The following GRIP1 variants were observed in gnomAD, a reference collection of about 807,000 sequenced individuals.
GRIP1 encodes the protein glutamate receptor-interacting protein 1.
Under a neutral mutation model 129.9 loss-of-function variants are expected in GRIP1, and 45 were observed. The ratio of observed to expected loss-of-function variants is 0.35; its 90% confidence interval spans 0.27 to 0.44. GRIP1 has a LOEUF of 0.44. Among genes scored for constraint, GRIP1 ranks in the 20% least tolerant of loss-of-function variants. The pLI, the probability that GRIP1 is intolerant of heterozygous loss-of-function variation, is 1.00. For synonymous variants in GRIP1, 530 were observed against 520.8 expected, an observed-to-expected ratio of 1.02 and a Z score of -0.24; for missense variants, 1,196 against 1,396.8, an observed-to-expected ratio of 0.86 and a Z score of 2.29.
At chr12:66,707,253 C>T (rs2035561689) in intron 1 of GRIP1, among the ~76,000 whole-genome samples, 1 of 151,798 alleles carries the variant, frequency 6.6e-6, no homozygotes, top group African/African-American at 2.4e-5. Flanking sequence ...GTCTTCTAAG[C>T]TGTAGCTGTT....
At chr12:66,755,422 G>A (rs921161567) in intron 1 of GRIP1, among the ~76,000 whole-genome samples, 4 of 152,052 alleles carry the variant, frequency 2.6e-5, no homozygotes, top group African/African-American at 9.7e-5. Context: ...CTAATATGAG[G>A]CACCCTAATA....
chr12:66,691,321 C>T (rs1257196345), intron 1 of GRIP1, among the ~76,000 whole-genome samples: 1 of 152,138 alleles, frequency 6.6e-6, no homozygotes, highest in Non-Finnish European at 1.5e-5. Flanking sequence ...TGTTCAAGTG[C>T]TGTGATTTGT....
At chr12:66,817,053 C>T (rs1373001671) in intron 1 of GRIP1, among the ~76,000 whole-genome samples, 2 of 151,984 alleles carry the variant, frequency 1.3e-5, no homozygotes, top group African/African-American at 4.8e-5. Context: ...ATCCAAGAGC[C>T]TGAGAAATAC....
rs1164966817 is a variant in GRIP1 at position 66,931,998 on chromosome 12, A to G, written c.58+137052T>C. On this transcript the variant is annotated intron_variant, in intron 1 of 1. Transcript: ENST00000643019. ...TTGAAAATTAAGATTATGGTAGAAT[A>G]AAAGTAAAATTCTTTTGAATAGTCG... Among the ~76,000 whole-genome samples, 3 of 152,362 alleles carry G rather than the reference A, an allele frequency of 2.0e-5. No homozygotes were observed. In the South Asian group the frequency reaches 6.2e-4, roughly 32 times the overall value.
At chr12:66,667,392 C>T (rs943321072) in intron 1 of GRIP1, among the ~76,000 whole-genome samples, 1 of 152,162 alleles carries the variant, frequency 6.6e-6, no homozygotes, top group Non-Finnish European at 1.5e-5. Flanking sequence ...TGAGGCTACT[C>T]ATTAGAATTT....
chr12:66,476,299 T>C (rs990854986), intron 7 of GRIP1, among the ~76,000 whole-genome samples: 1 of 152,088 alleles, frequency 6.6e-6, no homozygotes, highest in Non-Finnish European at 1.5e-5. Context: ...ACATACACCC[T>C]CCCAAGACTA....
intron 1 of GRIP1, among the ~76,000 whole-genome samples, chr12:66,827,199 C>T (rs1286275625): frequency 6.6e-6 from 1 of 152,096 alleles, no homozygotes; most frequent in Non-Finnish European, 1.5e-5. Flanking sequence ...TCTCTCAAGG[C>T]TGCCATCGAG....
At chr12:66,827,223 T>C (rs1288898150) in intron 1 of GRIP1, among the ~76,000 whole-genome samples, 5 of 152,138 alleles carry the variant, frequency 3.3e-5, no homozygotes, top group Admixed American at 3.3e-4. Context: ...CCACCTGGGC[T>C]GAGTTCTCAT....
At chr12:66,867,444 C>G (rs1193154585) in intron 1 of GRIP1, among the ~76,000 whole-genome samples, 1 of 152,056 alleles carries the variant, frequency 6.6e-6, no homozygotes, top group African/African-American at 2.4e-5. Flanking sequence ...ATTTAAGCTT[C>G]TAGGAGTTGT....
chr12:66,819,568 T>C (rs191249899), intron 1 of GRIP1, among the ~76,000 whole-genome samples: 179 of 152,306 alleles, frequency 1.2e-3, no homozygotes, highest in African/African-American at 4.2e-3. Context: ...ATAATATGCA[T>C]TGCTACATTA....
At chr12:66,529,753 A>G in intron 5 of GRIP1, 78 bp downstream of exon 5, 1 of 852,236 alleles carries the variant, frequency 1.2e-6, no homozygotes, top group South Asian at 1.3e-5. Context: ...CATGTAACCA[A>G]ATACCCAAAT....
chr12:66,425,656 G>A (rs915100123), intron 14 of GRIP1, among the ~76,000 whole-genome samples: 1 of 152,186 alleles, frequency 6.6e-6, no homozygotes, highest in African/African-American at 2.4e-5. Context: ...AAAATAATGA[G>A]TTCATGTCCT....
chr12:67,036,184 G>A (rs569485695), intron 1 of GRIP1, among the ~76,000 whole-genome samples: 3 of 152,150 alleles, frequency 2.0e-5, no homozygotes, highest in East Asian at 3.9e-4. Context: ...TGAACTCATC[G>A]ACAAAAAAAC....
At chr12:66,495,898 G>C (rs1305187251) in intron 7 of GRIP1, among the ~76,000 whole-genome samples, 2 of 152,236 alleles carry the variant, frequency 1.3e-5, no homozygotes, top group African/African-American at 4.8e-5. Flanking sequence ...ATGTGGTGCA[G>C]TGAAAGCAAA....
At chr12:66,455,672 G>T in intron 10 of GRIP1, 108 bp from the exon 11 acceptor site, 1 of 1,005,504 alleles carries the variant, frequency 9.9e-7, no homozygotes, top group Non-Finnish European at 1.6e-6. Flanking sequence ...GCATAGCAAT[G>T]GCTAGGAAGG....
intron 1 of GRIP1, among the ~76,000 whole-genome samples, chr12:66,845,560 C>T (rs1012035974): frequency 2.6e-5 from 4 of 152,168 alleles, no homozygotes; most frequent in Admixed American, 6.5e-5. Context: ...TTTTAAAGTT[C>T]TGTCTTCCCA....
intron 1 of GRIP1, among the ~76,000 whole-genome samples, chr12:66,638,343 A>G (rs1411696265): frequency 6.6e-6 from 1 of 152,172 alleles, no homozygotes; most frequent in African/African-American, 2.4e-5. Flanking sequence ...TGCAATATAT[A>G]CCCTTGATAG....
In GRIP1 at chr12:66,736,346, ATTTTTTTTTTTTTTTTTTTTT is replaced by A. The variant is rs547706592; in HGVS notation, c.-420+67686_-420+67706del. Among the ~76,000 whole-genome samples the A allele has an allele frequency of 6.0e-3, 405 of 67,008 alleles. 20 individuals are homozygous for A. Among genetic ancestry groups the A allele is most frequent in the East Asian group, 0.048 (112 of 2,342 alleles). 44.0% of individuals were successfully genotyped at this position (67,008 alleles called of 152,430 possible). ...AGGTGTGCACCACCGTGCCTGGCTAATTTTTTTTTTTTTTTTTTTTTTTTTTTTTTTTTTTTTTTTTTTTTT... is the reference window on the plus strand; with the variant it reads ...AGGTGTGCACCACCGTGCCTGGCTAATTTTTTTTTTTTTTTTTTTTTTTTT... On this transcript the variant is annotated intron_variant, in intron 1 of 4. Transcript: ENST00000538373.
chr12:66,616,913 G>A (rs73127126), intron 1 of GRIP1, among the ~76,000 whole-genome samples: 18,776 of 152,072 alleles, frequency 0.12, 1,267 homozygotes, highest in Non-Finnish European at 0.14. Flanking sequence ...TTCCAGATGT[G>A]AACGGAAACC....
Sources: gnomAD v4.1 joint callset for allele counts (sites outside exome capture counted in the v4.1 genomes callset) on GRCh38, gnomAD v4.1.1 for gene constraint, MANE v1.5 for transcripts, NCBI Gene and HGNC (gene_info 2026-07-23, HGNC 2026-07-21) for gene names.